Variants in CDH6 observed in about 807,000 individuals in gnomAD.
The protein encoded by CDH6 is cadherin 6.
In CDH6, 31 loss-of-function variants were observed where a neutral mutation model predicts 78.0. The observed-to-expected ratio is 0.40, with a 90% CI of 0.30 to 0.54. CDH6 has a LOEUF of 0.54. Among genes scored for constraint, CDH6 ranks in the 20% least tolerant of loss-of-function variants. The pLI is 0.56. For synonymous variants in CDH6, 376 were observed against 368.8 expected, an observed-to-expected ratio of 1.02 and a Z score of -0.23; for missense variants, 724 against 975.9, an observed-to-expected ratio of 0.74 and a Z score of 3.44.
chr5:31,288,102 T>C (rs977186265), intron 2 of CDH6, among the ~76,000 whole-genome samples: 2 of 152,022 alleles, frequency 1.3e-5, no homozygotes, highest in African/African-American at 4.8e-5. Context: ...AAAGAAAAAA[T>C]AGGACTAGAG....
At chr5:31,285,502 C>A (rs143934734) in intron 2 of CDH6, among the ~76,000 whole-genome samples, 1,896 of 152,194 alleles carry the variant, frequency 0.012, 19 homozygotes, top group Non-Finnish European at 0.02. Flanking sequence ...TATTTTATTC[C>A]AACGTAAATG....
At chr5:31,274,219 A>C (rs1354381927) in intron 2 of CDH6, among the ~76,000 whole-genome samples, 1 of 152,174 alleles carries the variant, frequency 6.6e-6, no homozygotes, top group Non-Finnish European at 1.5e-5. Context: ...TGAAAGTGAA[A>C]CCAACTGATT....
intron 1 of CDH6, among the ~76,000 whole-genome samples, chr5:31,260,749 G>C (rs1742191759): frequency 6.6e-6 from 1 of 152,192 alleles, no homozygotes; most frequent in Non-Finnish European, 1.5e-5. Context: ...CAAGAGAAGT[G>C]CTTCATGGTG....
chr5:31,289,030 T>A (rs1163738926), intron 2 of CDH6, among the ~76,000 whole-genome samples: 1 of 152,178 alleles, frequency 6.6e-6, no homozygotes, highest in Non-Finnish European at 1.5e-5. Context: ...ACGTGAGTAT[T>A]ACACGTGTAA....
At chr5:31,304,589 G>A (rs968896729) in intron 6 of CDH6, among the ~76,000 whole-genome samples, 1 of 149,854 alleles carries the variant, frequency 6.7e-6, no homozygotes, top group Non-Finnish European at 1.5e-5. Context: ...GGAGGCTGAG[G>A]CAGGAGAATC....
At chr5:31,302,405 T>C (rs1737789986) in intron 6 of CDH6, 107 bp downstream of exon 6, 4 of 853,596 alleles carry the variant, frequency 4.7e-6, no homozygotes, top group Non-Finnish European at 5.2e-6. Flanking sequence ...TTTAGATTTT[T>C]ATTTTACTTA....
rs185351199 is a variant in CDH6 at position 31,322,829 on chromosome 5, C to G, written c.1894C>G (p.Leu632Val). Residue 632 changes from leucine (L) to valine (V), a missense_variant, in exon 12 of 12, where the codon CTG becomes GTG. This residue lies in a region of CDH6 where 220 missense variants were observed against 240.6 expected (regional missense o/e 0.91). Coordinates refer to ENST00000265071, the MANE Select transcript of CDH6 (RefSeq NM_004932.4). Reference sequence around the variant, plus strand: ...TTTTCTGCTTCCAGTGACAGTGGTGCTGTTTGCAGCTCTGAGGCGGCAGCG... The same window carrying G: ...TTTTCTGCTTCCAGTGACAGTGGTGGTGTTTGCAGCTCTGAGGCGGCAGCG... ...CIVILLVTVV[L>V]FAALRRQRKK... The G allele has an allele frequency of 1.9e-6, 3 of 1,611,944 alleles. No individual in the cohort carries two copies. In the African/African-American group the frequency reaches 4.0e-5, roughly 22 times the overall value.
intron 2 of CDH6, among the ~76,000 whole-genome samples, chr5:31,276,523 T>C (rs1044480830): frequency 1.3e-5 from 2 of 152,168 alleles, no homozygotes; most frequent in African/African-American, 4.8e-5. Flanking sequence ...AAGGGCATAA[T>C]AAAAAGCTTG....
chr5:31,318,052 C>A, intron 11 of CDH6, 128 bp downstream of exon 11: 1 of 1,112,070 alleles, frequency 9.0e-7, no homozygotes, highest in Non-Finnish European at 1.4e-6. Flanking sequence ...GAGTTACATA[C>A]TGAGAATCTG....
At chr5:31,243,643 G>A (rs1190650825) in intron 1 of CDH6, among the ~76,000 whole-genome samples, 1 of 152,076 alleles carries the variant, frequency 6.6e-6, no homozygotes, top group African/African-American at 2.4e-5. Flanking sequence ...CCCTCCCTGA[G>A]AACAACTTCT....
intron 1 of CDH6, among the ~76,000 whole-genome samples, chr5:31,228,962 A>T (rs1161245891): frequency 6.6e-6 from 1 of 152,242 alleles, no homozygotes; most frequent in East Asian, 1.9e-4. Flanking sequence ...CTCATAGGGC[A>T]TAAAAAGTAC....
chr5:31,201,527 C>T (rs916336781), intron 1 of CDH6, among the ~76,000 whole-genome samples: 1 of 152,190 alleles, frequency 6.6e-6, no homozygotes, highest in African/African-American at 2.4e-5. Flanking sequence ...GTAACCTTCC[C>T]ACTGCTTTGA....
At chr5:31,210,860 T>A (rs1288876901) in intron 1 of CDH6, among the ~76,000 whole-genome samples, 1 of 152,198 alleles carries the variant, frequency 6.6e-6, no homozygotes, top group Non-Finnish European at 1.5e-5. Context: ...GTGGAATCTG[T>A]GGAAGCTGAA....
chr5:31,193,945 A>C (rs2111752692), intron 1 of CDH6, 59 bp downstream of exon 1: 1 of 147,604 alleles, frequency 6.8e-6, no homozygotes, highest in South Asian at 2.1e-4. Flanking sequence ...TTAATTCTGT[A>C]GCGTTGATAG....
At chr5:31,225,742 T>A (rs1437587651) in intron 1 of CDH6, among the ~76,000 whole-genome samples, 1 of 152,044 alleles carries the variant, frequency 6.6e-6, no homozygotes, top group East Asian at 1.9e-4. Context: ...GGATTACAAT[T>A]CGACATGAGA....
chr5:31,220,287 A>G (rs1321691101), intron 1 of CDH6, among the ~76,000 whole-genome samples: 3 of 152,188 alleles, frequency 2.0e-5, no homozygotes, highest in African/African-American at 7.2e-5. Context: ...ATTTTTTTAA[A>G]TGTGAGAACT....
intron 2 of CDH6, among the ~76,000 whole-genome samples, chr5:31,290,518 G>A (rs1309484456): frequency 6.6e-6 from 1 of 152,110 alleles, no homozygotes; most frequent in African/African-American, 2.4e-5. Flanking sequence ...CCTTTTATTT[G>A]TTGTTGTTTA....
chr5:31,299,418 G>C, intron 4 of CDH6, 46 bp from the exon 5 acceptor site: 1 of 1,462,682 alleles, frequency 6.8e-7, no homozygotes, highest in South Asian at 1.2e-5. Flanking sequence ...ATTCCATAAA[G>C]TATTCTTAAT....
chr5:31,219,880 A>G (rs1020841833), intron 1 of CDH6, among the ~76,000 whole-genome samples: 5 of 152,198 alleles, frequency 3.3e-5, no homozygotes, highest in African/African-American at 4.8e-5. Context: ...CAGGAGGTCA[A>G]TCTCCATTCA....
Sources: gnomAD v4.1 joint callset for allele counts (sites outside exome capture counted in the v4.1 genomes callset) on GRCh38, gnomAD v4.1.1 for gene constraint, gnomAD v4.1.1 regional missense constraint, MANE v1.5 for transcripts, NCBI Gene and HGNC (gene_info 2026-07-23, HGNC 2026-07-21) for gene names.